The following SLC19A3 variants were observed in gnomAD, a reference collection of about 807,000 sequenced individuals.
SLC19A3 encodes the protein thiamine transporter 2.
SLC19A3 carries 31 observed loss-of-function variants against 40.2 expected under a neutral mutation model. The observed-to-expected ratio is 0.77, with a 90% CI of 0.58 to 1.04. The LOEUF is 1.04. Ranked by LOEUF, SLC19A3 falls within the 50% of genes least tolerant of loss-of-function variation. SLC19A3 has a pLI of 0.00. For synonymous variants in SLC19A3, 212 were observed against 227.5 expected (o/e 0.93, Z 0.61); for missense variants, 592 against 596.7 (o/e 0.99, Z 0.08).
intron 1 of SLC19A3, chr2:227,714,703 CA>C (rs769256469): frequency 0.22 from 39,366 of 175,802 alleles, 2,158 homozygotes; most frequent in Non-Finnish European, 0.25. Context: ...AAATCCCATC[CA>C]AAAAAAAAAA....
Position 227,685,355 on chromosome 2 carries a change from AAG to A in SLC19A3, c.*2040_*2041del, listed in dbSNP as rs1193260033. On this transcript the variant is annotated 3_prime_UTR_variant, in exon 6 of 6. Coordinates refer to ENST00000644224, the MANE Select transcript of SLC19A3 (RefSeq NM_025243.4). ...ATCTTCACGTGGCCAAAGCAGGAGA[AAG>A]AGAGAGTGGGGAGGTGCTACACACT... 3.9e-5 allele frequency: 6 copies of A among 152,316 alleles called. No individual in the cohort carries two copies. Among genetic ancestry groups the A allele is most frequent in the African/African-American group, 1.4e-4 (6 of 41,440 alleles). The allele number at this position is 152,316 out of a possible 1,614,324, so 9.4% of individuals were successfully genotyped here.
intron 1 of SLC19A3, chr2:227,706,318 T>C: frequency 8.1e-7 from 1 of 1,231,726 alleles, no homozygotes; most frequent in Non-Finnish European, 1.0e-6. Flanking sequence ...TTCATACCTG[T>C]GAAAGCCAGA....
intron 1 of SLC19A3, among the ~76,000 whole-genome samples, chr2:227,710,668 T>A (rs1696106624): frequency 1.3e-5 from 2 of 152,160 alleles, no homozygotes; most frequent in Non-Finnish European, 2.9e-5. Context: ...TTTTAGACTA[T>A]CTATGGACCC....
At chr2:227,716,650 G>A (rs927867085) in intron 1 of SLC19A3, among the ~76,000 whole-genome samples, 5 of 152,064 alleles carry the variant, frequency 3.3e-5, no homozygotes, top group Non-Finnish European at 5.9e-5. Flanking sequence ...GATGCTCTTC[G>A]GCTCCCTCCC....
In SLC19A3 at chr2:227,699,498, G is replaced by A. The variant is rs373943165; in HGVS notation, c.217C>T (p.Leu73Phe). The A allele has an allele frequency of 3.7e-6, 6 of 1,614,036 alleles. No individual in the cohort carries two copies. The African/African-American group carries it at 8.0e-5, about 22-fold the overall frequency. Reference protein sequence around the residue: ...YLVLLLPVFVLTDYVRYKPVI... With the variant: ...YLVLLLPVFVFTDYVRYKPVI... ...GGCTTGTAGCGGACATAATCGGTGA[G>A]GACAAACACAGGCAGCAGCAGCACC... The change falls in exon 3 of 6, where the codon CTC (leucine) becomes TTC (phenylalanine). Residue 73 changes from leucine (L) to phenylalanine (F), a missense_variant. Leu to Phe is a conservative substitution (Grantham distance 22). Coordinates refer to ENST00000644224, the MANE Select transcript of SLC19A3 (RefSeq NM_025243.4).
At chr2:227,700,846 G>T (rs966013458) in intron 2 of SLC19A3, 1 of 1,027,754 alleles carries the variant, frequency 9.7e-7, no homozygotes, top group Admixed American at 2.5e-5. Flanking sequence ...CAGTTGGAAG[G>T]ACTGGAGTTG....
intron 2 of SLC19A3, chr2:227,701,566 G>A (rs1695690328): frequency 6.4e-6 from 1 of 155,352 alleles, no homozygotes; most frequent in Non-Finnish European, 1.4e-5. Context: ...AGGTTGCAGT[G>A]AGCCAAAATC....
intron 2 of SLC19A3, chr2:227,701,226 C>G (rs1159282666): frequency 1.9e-6 from 1 of 518,234 alleles, no homozygotes; most frequent in Non-Finnish European, 3.1e-6. Context: ...GGCGAAGCCA[C>G]ACACTTTACA....
At chr2:227,691,124 G>A (rs1302607824) in intron 4 of SLC19A3, among the ~76,000 whole-genome samples, 1 of 152,024 alleles carries the variant, frequency 6.6e-6, no homozygotes, top group African/African-American at 2.4e-5. Flanking sequence ...GAGGAATTTT[G>A]GAAACCATAG....
intron 1 of SLC19A3, 65 bp downstream of exon 1, chr2:227,717,878 G>A (rs1696385660): frequency 5.1e-6 from 5 of 979,328 alleles, no homozygotes; most frequent in Admixed American, 6.1e-5. Context: ...AGAGAGAGGC[G>A]ACACTGCTAA....
At position 227,685,061 on chromosome 2, in the gene SLC19A3, A is replaced by G. The variant is rs1471223698; in HGVS notation, c.*2336T>C. ...CTTCCTTGCCTTTAATGTAAGTAGG[A>G]ATGTTATTAGTTTTCTCCACTAAGT... On this transcript the variant is annotated 3_prime_UTR_variant, in exon 6 of 6. Transcript: ENST00000644224. The G allele has an allele frequency of 1.3e-5, 2 of 151,422 alleles. No homozygotes were observed. Among genetic ancestry groups the G allele is most frequent in the Non-Finnish European group, 2.9e-5 (2 of 67,886 alleles). 9.4% of individuals were successfully genotyped at this position (151,422 alleles called of 1,614,324 possible). A position where few individuals can be genotyped will look rare whatever the true frequency, so the allele number is the denominator to read the frequency against.
At chr2:227,707,545 T>C (rs1006325726) in intron 1 of SLC19A3, among the ~76,000 whole-genome samples, 1 of 151,788 alleles carries the variant, frequency 6.6e-6, no homozygotes, top group Non-Finnish European at 1.5e-5. Context: ...ATGGTGCCAC[T>C]GCACTCCAGC....
chr2:227,700,034 T>A (rs1489667968), intron 2 of SLC19A3, among the ~76,000 whole-genome samples: 1 of 151,856 alleles, frequency 6.6e-6, no homozygotes, highest in Non-Finnish European at 1.5e-5. Context: ...CCCGCCATCA[T>A]GCCTGGCTAA....
intron 1 of SLC19A3, among the ~76,000 whole-genome samples, chr2:227,704,582 T>A (rs919948924): frequency 1.3e-5 from 2 of 152,114 alleles, no homozygotes; most frequent in Non-Finnish European, 2.9e-5. Context: ...AGTTTCCTAA[T>A]TCCAAGTTCA....
chr2:227,690,455 C>G (rs1695178334), intron 4 of SLC19A3, among the ~76,000 whole-genome samples: 1 of 151,804 alleles, frequency 6.6e-6, no homozygotes, highest in African/African-American at 2.4e-5. Context: ...TGCCTGTAAT[C>G]CCAGCACTTT....
In SLC19A3 at chr2:227,698,546, G is replaced by A. The variant is rs554671789; in HGVS notation, c.979+190C>T. Among the ~76,000 whole-genome samples, 274 of 152,192 alleles carry A rather than the reference G, an allele frequency of 1.8e-3. 4 individuals carry two copies. The highest frequency in any genetic ancestry group is 6.1e-3 in the African/African-American group (254 of 41,524). On this transcript the variant is annotated intron_variant, in intron 3 of 5. Coordinates refer to ENST00000644224, the MANE Select transcript of SLC19A3 (RefSeq NM_025243.4). The stretch of plus-strand genomic sequence containing the variant: ...GACCTCCTGAAATCGTGATCCACGC[G>A]TCTCAGCTTCCCAAAGTGCTGGGAT...
At chr2:227,702,469 T>C (rs553381317) in intron 1 of SLC19A3, 149 bp from the exon 2 acceptor site, 9 of 740,694 alleles carry the variant, frequency 1.2e-5, no homozygotes, top group East Asian at 2.8e-5. Context: ...TCTCAGCCCA[T>C]TGCAACCTGT....
intron 2 of SLC19A3, 138 bp downstream of exon 2, chr2:227,702,031 G>T: frequency 5.4e-6 from 4 of 740,056 alleles, no homozygotes; most frequent in South Asian, 5.1e-5. Flanking sequence ...AGTTCTATAT[G>T]GGACACATAT....
At chr2:227,706,311 A>C in intron 1 of SLC19A3, 1 of 1,231,588 alleles carries the variant, frequency 8.1e-7, no homozygotes, top group Non-Finnish European at 1.0e-6. Flanking sequence ...TTCTGAGTTC[A>C]TACCTGTGAA....
Sources: allele counts gnomAD v4.1 joint callset (sites outside exome capture counted in the v4.1 genomes callset), GRCh38; gene constraint gnomAD v4.1.1; transcripts MANE v1.5; gene names NCBI Gene and HGNC (gene_info 2026-07-23, HGNC 2026-07-21).